GRIP2: variants seen among roughly 807,000 people sequenced by gnomAD.
GRIP2 encodes the protein glutamate receptor-interacting protein 2.
GRIP2 carries 58 observed loss-of-function variants against 108.3 expected under a neutral mutation model. That is an observed-to-expected ratio of 0.54 (90% confidence interval 0.43 to 0.67). The LOEUF is 0.67. GRIP2 is among the 30% of genes least tolerant of loss of function. The probability of loss-of-function intolerance (pLI) is 0.00; values close to 1 mark genes in which losing one functional copy is unlikely to be tolerated. For synonymous variants in GRIP2, 586 were observed against 598.2 expected (o/e 0.98, Z 0.30); for missense variants, 1,278 against 1,430.6 (o/e 0.89, Z 1.72).
At chr3:14,554,614 G>A (rs1324252584) in intron 1 of GRIP2, among the ~76,000 whole-genome samples, 1 of 152,180 alleles carries the variant, frequency 6.6e-6, no homozygotes, top group African/African-American at 2.4e-5. Context: ...CCTGAGGCCA[G>A]TGAAGGACCT....
chr3:14,586,300 A>G, the GRIP2 span, among the ~76,000 whole-genome samples: 1 of 152,196 alleles, frequency 6.6e-6, no homozygotes, highest in Non-Finnish European at 1.5e-5. Flanking sequence ...TTTCTGGTCC[A>G]TCTTCTCTGC....
chr3:14,597,163 AGCCT>A, the GRIP2 span, among the ~76,000 whole-genome samples: 1 of 152,256 alleles, frequency 6.6e-6, no homozygotes, highest in Non-Finnish European at 1.5e-5. Context: ...AAGGCATTAA[AGCCT>A]GAGACCTTAC....
At chr3:14,547,101 G>C (rs922840991) in intron 1 of GRIP2, among the ~76,000 whole-genome samples, 11 of 152,216 alleles carry the variant, frequency 7.2e-5, no homozygotes, top group Middle Eastern at 3.4e-3. Context: ...TGACACAGCA[G>C]TTAGAAGTGC....
the GRIP2 span, chr3:14,572,804 G>T: frequency 1.3e-6 from 1 of 768,062 alleles, no homozygotes. Context: ...GTCGTGTCTG[G>T]CTCTGGCCTG....
At chr3:14,509,753 A>G in intron 17 of GRIP2, 67 bp downstream of exon 17, 1 of 1,323,126 alleles carries the variant, frequency 7.6e-7, no homozygotes, top group Non-Finnish European at 9.8e-7. Flanking sequence ...TGGCTTTGCC[A>G]TAGCCCCAGC....
At position 14,524,453 on chromosome 3, in the gene GRIP2, G is replaced by C; in HGVS notation, c.343C>G (p.Leu115Val). 1 of 1,602,724 alleles carries C rather than the reference G, an allele frequency of 6.2e-7. No individual in the cohort carries two copies. Among genetic ancestry groups the C allele is most frequent in the South Asian group, 1.1e-5 (1 of 88,438 alleles). ...TRLRHDEIIT[L>V]LKNVGERVVL... is the part of the protein sequence containing the mutation. ...ACGCGCTCGCCCACATTCTTGAGCAGGGTGATGATCTCATCGTGGCGGAGC... is the reference window on the plus strand; with the variant it reads ...ACGCGCTCGCCCACATTCTTGAGCACGGTGATGATCTCATCGTGGCGGAGC... Residue 115 changes from leucine (L) to valine (V), a missense_variant, in exon 4 of 24, where the codon CTG becomes GTG. Coordinates refer to ENST00000621039, the MANE Select transcript of GRIP2 (RefSeq NM_001080423.4).
intron 1 of GRIP2, among the ~76,000 whole-genome samples, chr3:14,530,692 C>T (rs1382791875): frequency 2.0e-5 from 3 of 152,026 alleles, no homozygotes; most frequent in South Asian, 4.2e-4. Context: ...ATATACAGTT[C>T]GTTTTATATT....
intron 1 of GRIP2, among the ~76,000 whole-genome samples, chr3:14,552,215 T>C (rs1695161181): frequency 6.6e-6 from 1 of 152,092 alleles, no homozygotes; most frequent in Non-Finnish European, 1.5e-5. Flanking sequence ...GAGGCCCTGA[T>C]GTGGCTGCCA....
Position 14,490,048 on chromosome 3 carries a change from A to G in GRIP2, c.*3617T>C, listed in dbSNP as rs1701297511. ...AGACAAAATTCTCAGTAACTCATTT[A>G]TAGACAATGTTAGAATAGAAGACCA... On this transcript the variant is annotated 3_prime_UTR_variant, in exon 24 of 24. Transcript: ENST00000621039. 6.6e-6 allele frequency: 1 copy of G among 152,182 alleles called. No individual in the cohort carries two copies. 9.4% of individuals were successfully genotyped at this position (152,182 alleles called of 1,614,324 possible).
intron 22 of GRIP2, among the ~76,000 whole-genome samples, chr3:14,496,084 G>T (rs932876392): frequency 6.6e-6 from 1 of 152,160 alleles, no homozygotes; most frequent in Non-Finnish European, 1.5e-5. Flanking sequence ...GGTCAGGGCC[G>T]CAGTGAGCCA....
intron 21 of GRIP2, among the ~76,000 whole-genome samples, chr3:14,500,529 C>T (rs1693736964): frequency 6.6e-6 from 1 of 152,134 alleles, no homozygotes; most frequent in Non-Finnish European, 1.5e-5. Context: ...AACAATGAAC[C>T]TAACAGGAGC....
At chr3:14,596,525 T>G in the GRIP2 span, among the ~76,000 whole-genome samples, 1 of 152,086 alleles carries the variant, frequency 6.6e-6, no homozygotes, top group Non-Finnish European at 1.5e-5. Flanking sequence ...CACAAATACC[T>G]GTTGAGCACC....
At chr3:14,528,028 C>T (rs1020703480) in intron 1 of GRIP2, among the ~76,000 whole-genome samples, 1 of 152,192 alleles carries the variant, frequency 6.6e-6, no homozygotes, top group African/African-American at 2.4e-5. Flanking sequence ...TTTCTATTGG[C>T]CCCCAAAATT....
At chr3:14,554,740 G>C (rs971119907) in intron 1 of GRIP2, among the ~76,000 whole-genome samples, 2 of 152,044 alleles carry the variant, frequency 1.3e-5, no homozygotes, top group African/African-American at 4.8e-5. Context: ...CTCACTGGCT[G>C]GAGACAGCCT....
intron 1 of GRIP2, among the ~76,000 whole-genome samples, chr3:14,533,797 A>G (rs1201764863): frequency 6.6e-6 from 1 of 152,064 alleles, no homozygotes; most frequent in Non-Finnish European, 1.5e-5. Context: ...TGGTCTCAAC[A>G]CCGAGTGGCT....
At chr3:14,582,672 T>G in the GRIP2 span, among the ~76,000 whole-genome samples, 1 of 152,222 alleles carries the variant, frequency 6.6e-6, no homozygotes, top group Non-Finnish European at 1.5e-5. Context: ...TATTTGTGCA[T>G]GCAGTTCCTT....
At chr3:14,514,602 A>C (rs999395920) in intron 11 of GRIP2, 124 bp from the exon 12 acceptor site, 28 of 938,934 alleles carry the variant, frequency 3.0e-5, no homozygotes, top group Non-Finnish European at 4.4e-5. Flanking sequence ...GCCCTGACTC[A>C]GTCTGGGACC....
At chr3:14,563,024 G>A in the GRIP2 span, among the ~76,000 whole-genome samples, 79,083 of 151,404 alleles carry the variant, frequency 0.52, 20,780 homozygotes, top group African/African-American at 0.58. Context: ...AAAAAAAAAA[G>A]GAGGGAAAAG....
the GRIP2 span, among the ~76,000 whole-genome samples, chr3:14,570,740 T>C: frequency 5.9e-5 from 9 of 152,224 alleles, no homozygotes; most frequent in Admixed American, 1.3e-4. Flanking sequence ...AAGAAAATAC[T>C]GGCCTTCCCC....
Sources: gnomAD v4.1 joint callset for allele counts (sites outside exome capture counted in the v4.1 genomes callset) on GRCh38, gnomAD v4.1.1 for gene constraint, MANE v1.5 for transcripts, NCBI Gene and HGNC (gene_info 2026-07-23, HGNC 2026-07-21) for gene names.